MRPL1: variants seen among roughly 807,000 people sequenced by gnomAD.
MRPL1 encodes the protein mitochondrial ribosomal protein L1, also known as large ribosomal subunit protein uL1m.
MRPL1 carries 28 observed loss-of-function variants against 38.0 expected under a neutral mutation model. That is an observed-to-expected ratio of 0.74 (90% confidence interval 0.55 to 1.01). The LOEUF is 1.01. Among genes scored for constraint, MRPL1 ranks in the 50% least tolerant of loss-of-function variants. The pLI is 0.00. For missense variants in MRPL1, 358 were observed against 389.8 expected (o/e 0.92, Z 0.69); for synonymous variants, 123 against 126.7 (o/e 0.97, Z 0.20).
chr4:77,912,919 A>C (rs1034316894), intron 7 of MRPL1, among the ~76,000 whole-genome samples: 1 of 152,148 alleles, frequency 6.6e-6, no homozygotes, highest in Non-Finnish European at 1.5e-5. Context: ...ATTTTCCACA[A>C]GGTACAATGG....
intron 6 of MRPL1, among the ~76,000 whole-genome samples, chr4:77,905,470 C>T (rs1002734920): frequency 8.2e-6 from 1 of 121,782 alleles, no homozygotes; most frequent in Non-Finnish European, 1.6e-5. Context: ...GTACTCCAGC[C>T]TGGGCAACAG....
intron 2 of MRPL1, among the ~76,000 whole-genome samples, chr4:77,879,716 A>G (rs7655642): frequency 0.048 from 7,341 of 152,302 alleles, 250 homozygotes; most frequent in Middle Eastern, 0.16. Context: ...TTTGCTAAAT[A>G]TAAAGTAAAA....
At chr4:77,920,978 T>C (rs1042708782) in intron 7 of MRPL1, among the ~76,000 whole-genome samples, 2 of 152,140 alleles carry the variant, frequency 1.3e-5, no homozygotes, top group African/African-American at 4.8e-5. Context: ...TTGGCCATGC[T>C]AGTCTCCTGG....
At chr4:77,907,189 T>C (rs1736176593) in intron 6 of MRPL1, 17 of 981,460 alleles carry the variant, frequency 1.7e-5, no homozygotes, top group Non-Finnish European at 1.9e-5. Context: ...CATTTTTCAG[T>C]GCATGGAATT....
intron 7 of MRPL1, among the ~76,000 whole-genome samples, chr4:77,927,603 A>G (rs921987384): frequency 6.6e-6 from 1 of 151,978 alleles, no homozygotes; most frequent in East Asian, 1.9e-4. Context: ...AACTATTACT[A>G]TAGTATTTTA....
chr4:77,924,630 A>G (rs147110263), intron 7 of MRPL1, among the ~76,000 whole-genome samples: 2 of 151,914 alleles, frequency 1.3e-5, no homozygotes, highest in Admixed American at 6.6e-5. Context: ...ATATATGTGT[A>G]TGTTTGTCAT....
At chr4:77,912,630 C>T (rs1449873987) in intron 7 of MRPL1, among the ~76,000 whole-genome samples, 1 of 151,968 alleles carries the variant, frequency 6.6e-6, no homozygotes, top group Non-Finnish European at 1.5e-5. Flanking sequence ...ATCAATTTTC[C>T]CCAAGGTAAT....
At chr4:77,899,242 A>G (rs1204393926) in intron 6 of MRPL1, among the ~76,000 whole-genome samples, 1 of 150,998 alleles carries the variant, frequency 6.6e-6, no homozygotes, top group Non-Finnish European at 1.5e-5. Flanking sequence ...CATGAGCTCA[A>G]GTGATCTACC....
At chr4:77,893,610 T>G (rs1735852681) in intron 5 of MRPL1, among the ~76,000 whole-genome samples, 1 of 152,324 alleles carries the variant, frequency 6.6e-6, no homozygotes, top group African/African-American at 2.4e-5. Flanking sequence ...GATCACCACG[T>G]CTTCTTTTAT....
At chr4:77,891,501 G>A (rs1490361424) in intron 5 of MRPL1, among the ~76,000 whole-genome samples, 4 of 151,944 alleles carry the variant, frequency 2.6e-5, no homozygotes, top group South Asian at 2.1e-4. Context: ...GATTACAGGC[G>A]CCTGCCACTG....
chr4:77,941,128 G>A lies in MRPL1; in HGVS notation c.778-8669G>A, dbSNP rs184793636. On this transcript the variant is annotated intron_variant, in intron 7 of 8. Transcript: ENST00000315567. ...TAAAAATACAAAATTAGCCGGGCGT[G>A]GTGGCACATGCCTGTAATCCCAGCT... Among the ~76,000 whole-genome samples, 8 of 152,246 alleles carry A rather than the reference G, an allele frequency of 5.3e-5. No homozygotes were observed. In the East Asian group the frequency reaches 1.5e-3, roughly 29 times the overall value.
At chr4:77,929,766 A>AT (rs1736803293) in intron 7 of MRPL1, among the ~76,000 whole-genome samples, 1 of 64,106 alleles carries the variant, frequency 1.6e-5, no homozygotes, top group Admixed American at 1.5e-4. Flanking sequence ...AAAGGGTTTT[A>AT]TTTAAAAAAA....
chr4:77,919,035 T>G (rs2110252802), intron 7 of MRPL1, among the ~76,000 whole-genome samples: 1 of 152,340 alleles, frequency 6.6e-6, no homozygotes, highest in Admixed American at 6.5e-5. Context: ...CAGAATTAAC[T>G]GTCTTGTCCT....
chr4:77,928,534 G>T (rs948668060), intron 7 of MRPL1, among the ~76,000 whole-genome samples: 2 of 152,096 alleles, frequency 1.3e-5, no homozygotes, highest in Non-Finnish European at 2.9e-5. Flanking sequence ...ATAGTGTACT[G>T]TGTCATAAAT....
intron 2 of MRPL1, among the ~76,000 whole-genome samples, chr4:77,877,536 T>C (rs2110232210): frequency 6.6e-6 from 1 of 151,758 alleles, no homozygotes; most frequent in Admixed American, 6.6e-5. Flanking sequence ...GTCACTCTTT[T>C]GCACCCTTCC....
chr4:77,884,154 G>A (rs1454513014), intron 3 of MRPL1, among the ~76,000 whole-genome samples: 1 of 151,692 alleles, frequency 6.6e-6, no homozygotes, highest in African/African-American at 2.4e-5. Context: ...CTGTAAATGA[G>A]GGCTCTGGAT....
rs559432539 is a variant in MRPL1 at position 77,892,875 on chromosome 4, C to T, written c.559-1264C>T. 5.9e-5 allele frequency among the ~76,000 whole-genome samples: 9 copies of T among 152,244 alleles called. 1 individual carries two copies. The South Asian group carries it at 1.7e-3, about 28-fold the overall frequency. On this transcript the variant is annotated intron_variant, in intron 5 of 8. Transcript: ENST00000315567. ...ATGTGTGGTCAATACTGGTACCTGT[C>T]TCAAGGTTTGTTATGAAGACTGGAT...
At chr4:77,907,531 T>G (rs1470622317) in intron 6 of MRPL1, among the ~76,000 whole-genome samples, 1 of 136,136 alleles carries the variant, frequency 7.3e-6, no homozygotes. Context: ...TCCTTCCCTC[T>G]CTCTCTCTCT....
At chr4:77,900,603 C>T (rs968080006) in intron 6 of MRPL1, among the ~76,000 whole-genome samples, 1 of 152,160 alleles carries the variant, frequency 6.6e-6, no homozygotes, top group Non-Finnish European at 1.5e-5. Flanking sequence ...AGCTTTCTAT[C>T]ATTTGGTATA....
Sources: gnomAD v4.1 joint callset for allele counts (sites outside exome capture counted in the v4.1 genomes callset) on GRCh38, gnomAD v4.1.1 for gene constraint, MANE v1.5 for transcripts, NCBI Gene and HGNC (gene_info 2026-07-23, HGNC 2026-07-21) for gene names.